Variants in ZNF35 observed in about 807,000 individuals in gnomAD.
ZNF35 encodes zinc finger protein 35 (clone HF.10).
A neutral mutation model predicts 45.9 loss-of-function variants in ZNF35; 31 were observed. The observed-to-expected ratio is 0.68, with a 90% CI of 0.51 to 0.91. The LOEUF is 0.91. Among genes scored for constraint, ZNF35 ranks in the 40% least tolerant of loss-of-function variants. The probability of loss-of-function intolerance (pLI) is 0.00; values close to 1 mark genes in which losing one functional copy is unlikely to be tolerated. For synonymous variants in ZNF35, 205 were observed against 220.2 expected (o/e 0.93, Z 0.61); for missense variants, 515 against 625.4 (o/e 0.82, Z 1.88).
At chr3:44,649,081 C>T (rs1703116768) in intron 1 of ZNF35, among the ~76,000 whole-genome samples, 1 of 152,130 alleles carries the variant, frequency 6.6e-6, no homozygotes, top group African/African-American at 2.4e-5. Context: ...GACAGGGCCG[C>T]GAGGAGCCTA....
In ZNF35 at chr3:44,658,779, C is replaced by A; in HGVS notation, c.416C>A (p.Ser139Ter). Residue 139 changes from serine to a stop codon, truncating the protein, a stop_gained, in exon 4 of 4, where the codon TCA (serine) becomes TAA (stop). Transcript: ENST00000396056. LOFTEE classifies it high-confidence loss of function. ...GAAGCTGAAAAACCCCTCATCATATCAGAAAGAATCCAGAAAGCTGATCCT... is the reference window on the plus strand; with the variant it reads ...GAAGCTGAAAAACCCCTCATCATATAAGAAAGAATCCAGAAAGCTGATCCT... ...CEEAEKPLII[S>*]ERIQKADPQG... is the part of the protein sequence containing the mutation. The A allele has an allele frequency of 1.2e-6, 2 of 1,607,878 alleles. No individual in the cohort carries two copies. Among genetic ancestry groups the A allele is most frequent in the Non-Finnish European group, 1.7e-6 (2 of 1,178,680 alleles).
At position 44,659,819 on chromosome 3, in the gene ZNF35, A is replaced by G; in HGVS notation, c.1456A>G (p.Arg486Gly). The G allele has an allele frequency of 4.3e-6, 7 of 1,614,014 alleles. No individual in the cohort carries two copies. Among genetic ancestry groups the G allele is most frequent in the Non-Finnish European group, 4.2e-6 (5 of 1,179,962 alleles). ...TGAGTGTGGGAAGGCCTTCAGACAG[A>G]GGTCGAGCCTCACCGTGCACCAGAG... is the stretch of plus-strand genomic sequence containing the variant. ...CNECGKAFRQ[R>G]SSLTVHQRTH... Residue 486 changes from arginine (R) to glycine (G), a missense_variant, in exon 4 of 4, where the codon AGG becomes GGG. Around this residue, in one of 3 missense-constraint regions of ZNF35, gnomAD observed 232 missense variants for 304.6 expected, o/e 0.76. Transcript: ENST00000396056. This position sits in a 1 kb window ranked among gnomAD's most constrained non-coding sequence, Gnocchi z 4.3.
intron 2 of ZNF35, among the ~76,000 whole-genome samples, chr3:44,651,696 G>T (rs1160776308): frequency 6.6e-6 from 1 of 152,008 alleles, no homozygotes; most frequent in Non-Finnish European, 1.5e-5. Context: ...AGCTTGGCAT[G>T]GTGGCACGTG....
At chr3:44,646,682 C>CT (rs1431207651), upstream of ZNF35, 8 of 574,106 alleles carry the variant, frequency 1.4e-5, no homozygotes, top group Non-Finnish European at 2.2e-5. Context: ...CCATTCTCTG[C>CT]TTTTGTGTAT....
Position 44,659,533 on chromosome 3 carries a change from T to A in ZNF35, c.1170T>A (p.Tyr390Ter). 3.7e-6 allele frequency: 6 copies of A among 1,614,086 alleles called. No individual in the cohort carries two copies. Among genetic ancestry groups the A allele is most frequent in the Non-Finnish European group, 5.1e-6 (6 of 1,180,036 alleles). ...HQRSHTGEKP[Y>*]ECKECGKAFS... Reference sequence around the variant, plus strand: ...GAAGCCATACTGGTGAGAAGCCATATGAGTGTAAAGAGTGTGGGAAAGCCT... The same window carrying A: ...GAAGCCATACTGGTGAGAAGCCATAAGAGTGTAAAGAGTGTGGGAAAGCCT... Residue 390 changes from tyrosine (Y) to a stop codon, truncating the protein, a stop_gained, in exon 4 of 4, where the codon TAT becomes TAA. Coordinates refer to ENST00000396056, the MANE Select transcript of ZNF35 (RefSeq NM_003420.4). LOFTEE classifies it high-confidence loss of function. This position sits in a 1 kb window ranked among gnomAD's most constrained non-coding sequence, Gnocchi z 4.3.
rs368342365 is a variant in ZNF35 at position 44,660,093 on chromosome 3, C to T, written c.*146C>T. On this transcript the variant is annotated 3_prime_UTR_variant, in exon 4 of 4. Transcript: ENST00000396056. ...GTTTTCAGGAATGCAGCAGAAGACA[C>T]AAGAAAAGCATTTCAGAGGCTAATT... 201 of 840,094 alleles carry T rather than the reference C, an allele frequency of 2.4e-4. 1 individual carries two copies. In the African/African-American group the frequency reaches 2.9e-3, roughly 12 times the overall value. The allele number at this position is 840,094 out of a possible 1,614,324, so 52.0% of individuals were successfully genotyped here.
chr3:44,652,780 C>T, intron 3 of ZNF35, 79 bp downstream of exon 3: 1 of 1,420,516 alleles, frequency 7.0e-7, no homozygotes, highest in Non-Finnish European at 9.4e-7. Flanking sequence ...GGCATCCAGT[C>T]TCCTAGGTTG....
chr3:44,653,437 A>G (rs563430645), intron 3 of ZNF35, among the ~76,000 whole-genome samples: 1 of 152,180 alleles, frequency 6.6e-6, no homozygotes, highest in South Asian at 2.1e-4. Context: ...TTATTGTTCA[A>G]TGAGTTTCAT....
intron 2 of ZNF35, 98 bp from the exon 3 acceptor site, chr3:44,652,459 C>A: frequency 2.4e-6 from 3 of 1,245,444 alleles, no homozygotes; most frequent in Non-Finnish European, 3.2e-6. Flanking sequence ...TGTTCTATGG[C>A]CTCCAGGAAT....
At position 44,659,708 on chromosome 3, in the gene ZNF35, A is replaced by G; in HGVS notation, c.1345A>G (p.Asn449Asp). The G allele has an allele frequency of 6.2e-7, 1 of 1,614,140 alleles. No homozygotes were observed. The highest frequency in any genetic ancestry group is 8.5e-7 in the Non-Finnish European group (1 of 1,180,014). The part of the protein sequence containing the change: ...IHSGDLPYVC[N>D]ECGKAFTCSS... ...CAGTGGAGATCTTCCTTACGTGTGT[A>G]ATGAATGTGGGAAGGCCTTCACATG... Residue 449 changes from asparagine to aspartate, a missense_variant, in exon 4 of 4, where the codon AAT (asparagine) becomes GAT (aspartate). Asn to Asp is a conservative substitution (Grantham distance 23, BLOSUM62 1). This residue lies in a region of ZNF35 where 232 missense variants were observed against 304.6 expected (regional missense o/e 0.76). Coordinates refer to ENST00000396056, the MANE Select transcript of ZNF35 (RefSeq NM_003420.4). The surrounding 1 kb of genome is among the most constrained non-coding windows in gnomAD (Gnocchi z 4.3).
rs1171967035 is a variant in ZNF35 at position 44,649,990 on chromosome 3, A to G, written c.-127-951A>G. Among the ~76,000 whole-genome samples the G allele has an allele frequency of 3.9e-5, 6 of 152,318 alleles. No homozygotes were observed. The East Asian group carries it at 9.6e-4, about 24-fold the overall frequency. On this transcript the variant is annotated intron_variant, in intron 1 of 3. Transcript: ENST00000396056. ...AAAGTATGTTTTTGAAAAATAAGCA[A>G]TATGTGTGAAGGTGAACATATAAGT...
rs146760313 is a variant in ZNF35 at position 44,658,928 on chromosome 3, A to G, written c.565A>G (p.Lys189Glu). The change falls in exon 4 of 4, where the codon AAA becomes GAA. Residue 189 changes from lysine to glutamate, a missense_variant. Coordinates refer to ENST00000396056, the MANE Select transcript of ZNF35 (RefSeq NM_003420.4). ...VNDCHLPESF[K>E]EEENQKCKKS... ...TGACTGTCACTTACCTGAAAGCTTC[A>G]AAGAAGAGGAAAACCAGAAATGTAA... The G allele has an allele frequency of 6.6e-4, 1,069 of 1,613,702 alleles. 3 individuals are homozygous for G. The highest frequency in any genetic ancestry group is 8.0e-4 in the Non-Finnish European group (945 of 1,179,956).
upstream of ZNF35, chr3:44,646,520 A>G: frequency 6.7e-7 from 1 of 1,501,126 alleles, no homozygotes; most frequent in Non-Finnish European, 9.3e-7. Flanking sequence ...GCAGAGGAAC[A>G]AATAAAAGAC....
chr3:44,658,554 G>C (rs1251624625), intron 3 of ZNF35, 147 bp from the exon 4 acceptor site: 4 of 799,458 alleles, frequency 5.0e-6, no homozygotes, highest in Non-Finnish European at 5.9e-6. Context: ...CTAGAGAGGA[G>C]AGGTAACATG....
At chr3:44,649,814 AATG>A (rs1703150121) in intron 1 of ZNF35, among the ~76,000 whole-genome samples, 2 of 152,222 alleles carry the variant, frequency 1.3e-5, no homozygotes, top group African/African-American at 4.8e-5. Flanking sequence ...TGATTAAGTA[AATG>A]ATAATATAGC....
At chr3:44,652,860 A>G (rs1181649636) in intron 3 of ZNF35, among the ~76,000 whole-genome samples, 159 bp downstream of exon 3, 1 of 152,204 alleles carries the variant, frequency 6.6e-6, no homozygotes, top group Non-Finnish European at 1.5e-5. Context: ...ATGCCTGTGC[A>G]TTTGTCATGG....
rs1481714161 is a variant in ZNF35 at position 44,659,675 on chromosome 3, A to G, written c.1312A>G (p.Arg438Gly). 1 of 1,614,226 alleles carries G rather than the reference A, an allele frequency of 6.2e-7. No homozygotes were observed. The highest frequency in any genetic ancestry group is 1.1e-5 in the South Asian group (1 of 91,078). The change falls in exon 4 of 4, where the codon AGA (arginine) becomes GGA (glycine). Residue 438 changes from arginine (R) to glycine (G), a missense_variant. By Grantham distance (125) the Arg-to-Gly change is moderately radical. Coordinates refer to ENST00000396056, the MANE Select transcript of ZNF35 (RefSeq NM_003420.4). The surrounding 1 kb of genome is among the most constrained non-coding windows in gnomAD (Gnocchi z 4.3). ...SQLSCLIVHQ[R>G]IHSGDLPYVC... ...GCTCTCTTGCCTTATTGTCCACCAG[A>G]GAATTCACAGTGGAGATCTTCCTTA...
upstream of ZNF35, chr3:44,648,348 T>C (rs533253896): frequency 6.6e-6 from 1 of 152,328 alleles, no homozygotes; most frequent in South Asian, 2.1e-4. Flanking sequence ...TATTGAGAGA[T>C]CAGGCAAACA....
At chr3:44,655,736 G>A (rs1011939472) in intron 3 of ZNF35, among the ~76,000 whole-genome samples, 3 of 152,206 alleles carry the variant, frequency 2.0e-5, no homozygotes, top group Non-Finnish European at 4.4e-5. Context: ...ACTCAGTGAT[G>A]AATCACTTGC....
Sources: gnomAD v4.1 joint callset for allele counts (sites outside exome capture counted in the v4.1 genomes callset) on GRCh38, gnomAD v4.1.1 for gene constraint, gnomAD v4.1.1 regional missense constraint, Gnocchi (gnomAD v3.1) non-coding constraint, MANE v1.5 for transcripts, NCBI Gene and HGNC (gene_info 2026-07-23, HGNC 2026-07-21) for gene names.